The following RNF169 variants were observed in gnomAD, a reference collection of about 807,000 sequenced individuals.
RNF169 encodes the protein ring finger protein 169.
RNF169 carries 24 observed loss-of-function variants against 53.9 expected under a neutral mutation model. The ratio of observed to expected loss-of-function variants is 0.45; its 90% CI spans 0.32 to 0.63. RNF169 has a LOEUF of 0.63. Ranked by LOEUF, RNF169 falls within the 20% of genes least tolerant of loss-of-function variation. The pLI is 0.04. For missense variants in RNF169, 883 were observed against 906.2 expected (o/e 0.97, Z 0.33); for synonymous variants, 396 against 363.5 (o/e 1.09, Z -1.02).
At chr11:74,822,894 G>C (rs919346576) in intron 4 of RNF169, among the ~76,000 whole-genome samples, 135 of 152,158 alleles carry the variant, frequency 8.9e-4, no homozygotes, top group African/African-American at 3.1e-3. Flanking sequence ...CTGTATGCCA[G>C]GCACTGTGTT....
At chr11:74,795,004 C>T (rs1254458742) in intron 2 of RNF169, among the ~76,000 whole-genome samples, 1 of 152,056 alleles carries the variant, frequency 6.6e-6, no homozygotes, top group Non-Finnish European at 1.5e-5. Flanking sequence ...GAGGGTCTTG[C>T]TGTGTTGTCC....
At chr11:74,749,450 G>A in intron 1 of RNF169, 68 bp downstream of exon 1, 5 of 1,177,290 alleles carry the variant, frequency 4.2e-6, no homozygotes, top group Non-Finnish European at 5.3e-6. Flanking sequence ...GGCCTGGTGA[G>A]GGGGTGGAGA....
In RNF169 at chr11:74,839,977, A is replaced by G. The variant is rs2036326955; in HGVS notation, c.*3247A>G. Reference sequence around the variant, plus strand: ...ATTTAATTTTTAAATTTTTGCTTGGAAGCAGCACTGGTAATAAATGTTTTA... The same window carrying G: ...ATTTAATTTTTAAATTTTTGCTTGGGAGCAGCACTGGTAATAAATGTTTTA... On this transcript the variant is annotated 3_prime_UTR_variant, in exon 6 of 6. Transcript: ENST00000299563. 1 of 152,082 alleles carries G rather than the reference A, an allele frequency of 6.6e-6. No homozygotes were observed. The highest frequency in any genetic ancestry group is 1.9e-4 in the East Asian group (1 of 5,192). The allele number at this position is 152,082 out of a possible 1,614,324, so 9.4% of individuals were successfully genotyped here. A position where few individuals can be genotyped will look rare whatever the true frequency, so the allele number is the denominator to read the frequency against.
chr11:74,791,810 T>A (rs2035583916), intron 2 of RNF169, among the ~76,000 whole-genome samples: 3 of 152,198 alleles, frequency 2.0e-5, no homozygotes, highest in Admixed American at 6.5e-5. Context: ...ACACCCAGCA[T>A]GGGAGGGATC....
At chr11:74,801,652 A>G (rs2035730808) in intron 2 of RNF169, among the ~76,000 whole-genome samples, 2 of 152,246 alleles carry the variant, frequency 1.3e-5, no homozygotes, top group African/African-American at 4.8e-5. Context: ...ACTTATTAAT[A>G]TGGTGATACT....
In RNF169 at chr11:74,842,309, GTGT is replaced by G. The variant is rs1224501204; in HGVS notation, c.*5584_*5586del. ...ATGGCATGGAATCAAGTGGGCTGAT[GTGT>G]TGTTATTTAAACAGTACCAAAGTGC... On this transcript the variant is annotated 3_prime_UTR_variant, in exon 6 of 6. Transcript: ENST00000299563. The G allele has an allele frequency of 2.6e-5, 4 of 152,224 alleles. No individual in the cohort carries two copies. Among genetic ancestry groups the G allele is most frequent in the African/African-American group, 9.6e-5 (4 of 41,456 alleles). 9.4% of individuals were successfully genotyped at this position (152,224 alleles called of 1,614,324 possible). A position where few individuals can be genotyped will look rare whatever the true frequency, so the allele number is the denominator to read the frequency against.
intron 2 of RNF169, among the ~76,000 whole-genome samples, chr11:74,791,785 TG>T (rs2035583374): frequency 6.6e-6 from 1 of 152,182 alleles, no homozygotes; most frequent in Non-Finnish European, 1.5e-5. Flanking sequence ...TAGCCATGGC[TG>T]GGTGGCTACA....
At chr11:74,825,233 A>G (rs891490416) in intron 4 of RNF169, among the ~76,000 whole-genome samples, 2 of 152,246 alleles carry the variant, frequency 1.3e-5, no homozygotes, top group Non-Finnish European at 2.9e-5. Context: ...ATATATTTTA[A>G]AAGGTTGAAA....
chr11:74,771,111 A>G lies in RNF169; in HGVS notation c.503-18515A>G, dbSNP rs573903458. Among the ~76,000 whole-genome samples the G allele has an allele frequency of 9.9e-5, 15 of 152,100 alleles. No homozygotes were observed. In the East Asian group the frequency reaches 2.7e-3, roughly 27 times the overall value. ...GCGTGAACCACCGTGCCTGGCCTCCATGTGCATTTTTGATACTTAGTCATA... is the reference window on the plus strand; with the variant it reads ...GCGTGAACCACCGTGCCTGGCCTCCGTGTGCATTTTTGATACTTAGTCATA... On this transcript the variant is annotated intron_variant, in intron 1 of 5. Transcript: ENST00000299563.
chr11:74,814,538 G>T (rs1335184536), intron 3 of RNF169, among the ~76,000 whole-genome samples: 1 of 151,530 alleles, frequency 6.6e-6, no homozygotes, highest in Non-Finnish European at 1.5e-5. Context: ...CCTATTACAT[G>T]CCTGACTAGT....
intron 1 of RNF169, among the ~76,000 whole-genome samples, chr11:74,750,163 C>T (rs980874739): frequency 6.6e-6 from 1 of 152,176 alleles, no homozygotes; most frequent in Admixed American, 6.5e-5. Flanking sequence ...CTTCTTTCCC[C>T]TAACACCAGC....
intron 1 of RNF169, among the ~76,000 whole-genome samples, chr11:74,783,327 T>C (rs1335964256): frequency 6.6e-6 from 1 of 152,110 alleles, no homozygotes; most frequent in Non-Finnish European, 1.5e-5. Flanking sequence ...GAACTATAGC[T>C]GTTCCTGTAA....
intron 1 of RNF169, among the ~76,000 whole-genome samples, chr11:74,760,485 C>T (rs1356600103): frequency 8.6e-5 from 13 of 152,004 alleles, no homozygotes; most frequent in South Asian, 4.2e-4. Flanking sequence ...GCTTTGAATG[C>T]GTCCCAGAGA....
Position 74,836,900 on chromosome 11 carries a change from T to C in RNF169, c.*170T>C, listed in dbSNP as rs1218070648. 1.7e-6 allele frequency: 1 copy of C among 596,426 alleles called. No individual in the cohort carries two copies. Among genetic ancestry groups the C allele is most frequent in the Non-Finnish European group, 2.9e-6 (1 of 349,358 alleles). The allele number at this position is 596,426 out of a possible 1,614,324, so 36.9% of individuals were successfully genotyped here. A position where few individuals can be genotyped will look rare whatever the true frequency, so the allele number is the denominator to read the frequency against. ...AATATCCAAGGGAAAAGCATCTCCG[T>C]TTCTCTGTGACCCAGGCCAGAAGCC... On this transcript the variant is annotated 3_prime_UTR_variant, in exon 6 of 6. Coordinates refer to ENST00000299563, the MANE Select transcript of RNF169 (RefSeq NM_001098638.2).
At chr11:74,789,114 G>C (rs71465935) in intron 1 of RNF169, among the ~76,000 whole-genome samples, 1 of 152,190 alleles carries the variant, frequency 6.6e-6, no homozygotes, top group Non-Finnish European at 1.5e-5. Context: ...TCCAAACCTA[G>C]GGTCTAACAA....
intron 1 of RNF169, among the ~76,000 whole-genome samples, chr11:74,770,544 A>T (rs571152507): frequency 3.9e-5 from 6 of 152,232 alleles, no homozygotes; most frequent in Non-Finnish European, 8.8e-5. Context: ...ATCTACCAGT[A>T]GCTCGCTATT....
chr11:74,769,139 T>C (rs1405586607), intron 1 of RNF169, among the ~76,000 whole-genome samples: 1 of 152,158 alleles, frequency 6.6e-6, no homozygotes, highest in African/African-American at 2.4e-5. Flanking sequence ...TGACAAAAGA[T>C]TGATATCCAA....
At chr11:74,752,228 TAAAAAA>T (rs11325931) in intron 1 of RNF169, among the ~76,000 whole-genome samples, 28 of 78,758 alleles carry the variant, frequency 3.6e-4, no homozygotes, top group African/African-American at 1.1e-3. Flanking sequence ...GAGACTGTCT[TAAAAAA>T]AAAAAAAAAA....
chr11:74,805,464 T>TAA (rs1565181764), intron 2 of RNF169, among the ~76,000 whole-genome samples: 1 of 152,190 alleles, frequency 6.6e-6, no homozygotes, highest in Non-Finnish European at 1.5e-5. Context: ...TATATACATT[T>TAA]GACAAAACTC....
Sources: allele counts gnomAD v4.1 joint callset (sites outside exome capture counted in the v4.1 genomes callset), GRCh38; gene constraint gnomAD v4.1.1; transcripts MANE v1.5; gene names NCBI Gene and HGNC (gene_info 2026-07-23, HGNC 2026-07-21).